The following ANK2 variants were observed in gnomAD, a reference collection of about 807,000 sequenced individuals.
ANK2 encodes ankyrin 2, also known as ankyrin-2.
A neutral mutation model predicts 360.5 loss-of-function variants in ANK2; 83 were observed. The ratio of observed to expected loss-of-function variants is 0.23; its 90% CI spans 0.19 to 0.28. The LOEUF (loss-of-function observed/expected upper bound fraction) is 0.28. Ranked by LOEUF, ANK2 falls within the 10% of genes least tolerant of loss-of-function variation. The pLI, the probability that ANK2 is intolerant of heterozygous loss-of-function variation, is 1.00. For synonymous variants in ANK2, 1,740 were observed against 1,759.5 expected, an observed-to-expected ratio of 0.99 and a Z score of 0.28; for missense variants, 4,201 against 4,795.7, an observed-to-expected ratio of 0.88 and a Z score of 3.66.
At chr4:113,297,127 CAGAT>C (rs1394653280) in intron 22 of ANK2, among the ~76,000 whole-genome samples, 12 of 152,072 alleles carry the variant, frequency 7.9e-5, no homozygotes, top group African/African-American at 2.9e-4. Context: ...AAAATACAGT[CAGAT>C]AGAAGGAGTA....
At chr4:112,985,268 G>C (rs373679581) in intron 2 of ANK2, among the ~76,000 whole-genome samples, 1 of 152,000 alleles carries the variant, frequency 6.6e-6, no homozygotes, top group African/African-American at 2.4e-5. Flanking sequence ...CAAACTTGTC[G>C]TGTTTGTTTT....
intron 1 of ANK2, among the ~76,000 whole-genome samples, chr4:113,107,666 C>T (rs72910269): frequency 0.015 from 2,294 of 152,264 alleles, 57 homozygotes; most frequent in African/African-American, 0.052. Context: ...TTGTTTTGGT[C>T]TTGTAAATCT....
intron 45 of ANK2, chr4:113,374,775 T>TGAGCCCAGCATTTTGTCCA (rs2096866658): frequency 8.9e-7 from 1 of 1,128,352 alleles, no homozygotes; most frequent in African/African-American, 1.6e-5. Context: ...TCACTTTGTG[T>TGAGCCCAGCATTTTGTCCA]GAGCCCAGCA....
intron 1 of ANK2, among the ~76,000 whole-genome samples, chr4:113,063,468 G>T (rs1039810681): frequency 2.6e-5 from 4 of 151,942 alleles, no homozygotes; most frequent in Non-Finnish European, 5.9e-5. Flanking sequence ...ACTATAAAAA[G>T]AATTGCTTTT....
Position 113,002,610 on chromosome 4 carries a change from A to G in ANK2, c.21+98096A>G, listed in dbSNP as rs1410788497. ...ATAGCTTATCCATTTCTTGATCTCC[A>G]CCTGTACTACAGACCTTTGTCATTT... On this transcript the variant is annotated intron_variant, in intron 2 of 30. Transcript: ENST00000503271. Among the ~76,000 whole-genome samples the G allele has an allele frequency of 4.6e-5, 7 of 152,198 alleles. No individual in the cohort carries two copies. In the South Asian group the frequency reaches 1.4e-3, roughly 32 times the overall value.
At chr4:112,733,254 A>C in the ANK2 span, among the ~76,000 whole-genome samples, 6 of 151,884 alleles carry the variant, frequency 4.0e-5, no homozygotes, top group African/African-American at 1.5e-4. Flanking sequence ...AATAAATAAC[A>C]CTGTTATTTA....
At chr4:112,733,580 G>T in the ANK2 span, among the ~76,000 whole-genome samples, 6 of 152,212 alleles carry the variant, frequency 3.9e-5, no homozygotes, top group Admixed American at 2.6e-4. Flanking sequence ...GCAGAAACTG[G>T]TTTTTTCACT....
At chr4:113,247,290 T>G (rs1430981401) in intron 9 of ANK2, among the ~76,000 whole-genome samples, 2 of 152,190 alleles carry the variant, frequency 1.3e-5, no homozygotes, top group Non-Finnish European at 2.9e-5. Context: ...GAAAAGAATT[T>G]TTTTGGGGCA....
intron 1 of ANK2, among the ~76,000 whole-genome samples, chr4:112,843,540 T>C (rs997644548): frequency 6.6e-6 from 1 of 152,212 alleles, no homozygotes; most frequent in Admixed American, 6.5e-5. Context: ...TCCACCCACC[T>C]TCATCTTTAA....
At chr4:113,362,831 C>G (rs905397797) in intron 39 of ANK2, among the ~76,000 whole-genome samples, 1 of 152,226 alleles carries the variant, frequency 6.6e-6, no homozygotes, top group East Asian at 1.9e-4. Flanking sequence ...CTTCCTCGAC[C>G]TCTTATTCAG....
intron 38 of ANK2, among the ~76,000 whole-genome samples, chr4:113,360,024 C>T (rs1197329511): frequency 1.3e-5 from 2 of 152,240 alleles, no homozygotes; most frequent in Non-Finnish European, 2.9e-5. Context: ...CCATAGATGG[C>T]TTTGAAAAGT....
chr4:112,936,043 CTG>C (rs1023361462), intron 2 of ANK2, among the ~76,000 whole-genome samples: 32 of 152,342 alleles, frequency 2.1e-4, no homozygotes, highest in African/African-American at 7.5e-4. Context: ...CTCAGAAAGA[CTG>C]TTGCTAAGTT....
chr4:113,014,991 T>A (rs1315165828), intron 2 of ANK2, among the ~76,000 whole-genome samples: 1 of 151,366 alleles, frequency 6.6e-6, no homozygotes, highest in Non-Finnish European at 1.5e-5. Flanking sequence ...CCCGAGTAGC[T>A]GGGACTACAG....
At chr4:113,118,622 CT>C (rs1267623845) in intron 1 of ANK2, among the ~76,000 whole-genome samples, 1 of 152,126 alleles carries the variant, frequency 6.6e-6, no homozygotes, top group African/African-American at 2.4e-5. Flanking sequence ...GATTTCCCTT[CT>C]GGGGAAAACT....
chr4:112,875,275 T>A (rs1273248714), intron 1 of ANK2, among the ~76,000 whole-genome samples: 2 of 152,082 alleles, frequency 1.3e-5, no homozygotes, highest in Non-Finnish European at 2.9e-5. Flanking sequence ...CATCTGGGCC[T>A]CCCAAAATGT....
At chr4:112,958,816 A>G (rs1373547748) in intron 2 of ANK2, among the ~76,000 whole-genome samples, 1 of 151,840 alleles carries the variant, frequency 6.6e-6, no homozygotes. Context: ...GAAATCTTAA[A>G]AAAATCTATT....
chr4:113,328,946 A>G (rs573706041), intron 26 of ANK2, among the ~76,000 whole-genome samples: 6 of 152,358 alleles, frequency 3.9e-5, no homozygotes, highest in African/African-American at 1.4e-4. Flanking sequence ...CAAATGTTTT[A>G]AATGTCGTGG....
Position 112,997,513 on chromosome 4 carries a change from C to T in ANK2, c.21+92999C>T, listed in dbSNP as rs1235999544. ...AAACTTTTCAGATGCAGAGGTGATG[C>T]CTCCACAAAATCCCTTTTGTGTATT... On this transcript the variant is annotated intron_variant, in intron 2 of 30. Transcript: ENST00000503271. Among the ~76,000 whole-genome samples, 6 of 152,204 alleles carry T rather than the reference C, an allele frequency of 3.9e-5. No individual in the cohort carries two copies. The East Asian group carries it at 1.2e-3, about 29-fold the overall frequency.
Position 112,950,745 on chromosome 4 carries a change from C to T in ANK2, c.21+46231C>T, listed in dbSNP as rs1279991852. ...TCATTCTTGGAGGTAAAAATTAGCA[C>T]AGTATTTCGGTAGGAAAATTTGGCA... On this transcript the variant is annotated intron_variant, in intron 2 of 30. Transcript: ENST00000503271. Among the ~76,000 whole-genome samples, 4 of 151,484 alleles carry T rather than the reference C, an allele frequency of 2.6e-5. No homozygotes were observed. In the South Asian group the frequency reaches 8.4e-4, roughly 32 times the overall value.
Sources: gnomAD v4.1 joint callset for allele counts (sites outside exome capture counted in the v4.1 genomes callset) on GRCh38, gnomAD v4.1.1 for gene constraint, MANE v1.5 for transcripts, NCBI Gene and HGNC (gene_info 2026-07-23, HGNC 2026-07-21) for gene names.